PCDH9: variants seen among roughly 807,000 people sequenced by gnomAD.
PCDH9 encodes the protein protocadherin-9.
Under a neutral mutation model 70.6 loss-of-function variants are expected in PCDH9, and 24 were observed. The observed-to-expected ratio is 0.34, with a 90% CI of 0.25 to 0.48. PCDH9 has a LOEUF of 0.48. Ranked by LOEUF, PCDH9 falls within the 20% of genes least tolerant of loss-of-function variation. The pLI, the probability that PCDH9 is intolerant of heterozygous loss-of-function variation, is 0.99. For missense variants in PCDH9, 1,281 were observed against 1,503.6 expected, an observed-to-expected ratio of 0.85 and a Z score of 2.45; for synonymous variants, 562 against 558.5, an observed-to-expected ratio of 1.01 and a Z score of -0.09.
At chr13:66,920,010 T>C (rs919023228) in intron 2 of PCDH9, among the ~76,000 whole-genome samples, 1 of 150,902 alleles carries the variant, frequency 6.6e-6, no homozygotes. Context: ...CAATAACAAG[T>C]TTACCCCTAC....
At chr13:66,659,634 C>T (rs1475555814) in intron 3 of PCDH9, among the ~76,000 whole-genome samples, 1 of 151,230 alleles carries the variant, frequency 6.6e-6, no homozygotes, top group Admixed American at 6.6e-5. Flanking sequence ...AGTTTTACAT[C>T]ACGTGAATCC....
At chr13:66,777,505 A>G (rs1002377415) in intron 3 of PCDH9, among the ~76,000 whole-genome samples, 4 of 152,352 alleles carry the variant, frequency 2.6e-5, no homozygotes, top group Middle Eastern at 3.4e-3. Flanking sequence ...GAAGACATTT[A>G]TGCGGCCAAA....
chr13:66,779,267 A>G (rs944510904), intron 3 of PCDH9, among the ~76,000 whole-genome samples: 12 of 152,136 alleles, frequency 7.9e-5, no homozygotes, highest in Admixed American at 3.3e-4. Flanking sequence ...ACCACCTCAT[A>G]AAAATATTTG....
intron 4 of PCDH9, among the ~76,000 whole-genome samples, chr13:66,328,618 T>C (rs947297879): frequency 1.3e-5 from 2 of 152,148 alleles, no homozygotes; most frequent in Non-Finnish European, 1.5e-5. Flanking sequence ...TTAAGGGCAG[T>C]GGAGTGGTTT....
intron 2 of PCDH9, chr13:67,211,658 T>C (rs1046566922): frequency 1.3e-5 from 2 of 152,052 alleles, no homozygotes; most frequent in African/African-American, 4.8e-5. Context: ...ATATGTATGT[T>C]TCTCAATTTA....
chr13:66,566,455 A>G (rs954892609), intron 4 of PCDH9, among the ~76,000 whole-genome samples: 19 of 152,176 alleles, frequency 1.2e-4, no homozygotes, highest in Non-Finnish European at 2.6e-4. Context: ...CTATATATAT[A>G]TGTGCCTTGC....
chr13:66,477,624 C>T (rs528139128), intron 4 of PCDH9, among the ~76,000 whole-genome samples: 1 of 152,168 alleles, frequency 6.6e-6, no homozygotes, highest in Admixed American at 6.5e-5. Context: ...ATACCTAACT[C>T]TGAGAGTGTT....
chr13:66,777,168 A>G (rs1253644013), intron 3 of PCDH9, among the ~76,000 whole-genome samples: 2 of 152,090 alleles, frequency 1.3e-5, no homozygotes, highest in East Asian at 3.9e-4. Flanking sequence ...ACCTAAAACC[A>G]TAAAAACCCT....
At chr13:67,063,217 G>T (rs1461703373) in intron 2 of PCDH9, among the ~76,000 whole-genome samples, 1 of 152,080 alleles carries the variant, frequency 6.6e-6, no homozygotes, top group Non-Finnish European at 1.5e-5. Context: ...TAGTGAGGTA[G>T]AGAGTTCTGG....
chr13:66,985,377 T>C (rs1419384702), intron 2 of PCDH9: 1 of 152,158 alleles, frequency 6.6e-6, no homozygotes, highest in Non-Finnish European at 1.5e-5. Flanking sequence ...TAAGCAGTTA[T>C]GATTATGTTA....
intron 2 of PCDH9, among the ~76,000 whole-genome samples, chr13:66,986,154 G>A (rs1169726566): frequency 1.3e-5 from 2 of 151,892 alleles, no homozygotes; most frequent in Admixed American, 1.3e-4. Context: ...CATGGCAGCA[G>A]GAAGGAAAAG....
At chr13:66,559,198 A>G (rs906726878) in intron 4 of PCDH9, among the ~76,000 whole-genome samples, 3 of 152,206 alleles carry the variant, frequency 2.0e-5, no homozygotes, top group Non-Finnish European at 4.4e-5. Context: ...ATATCCCATC[A>G]AAACTACTCA....
chr13:66,985,577 T>C (rs1001603915), intron 2 of PCDH9: 1 of 152,054 alleles, frequency 6.6e-6, no homozygotes, highest in Non-Finnish European at 1.5e-5. Context: ...TTATGGGCTA[T>C]AATTGTATTT....
At chr13:67,028,098 T>C (rs550383165) in intron 2 of PCDH9, among the ~76,000 whole-genome samples, 16 of 151,034 alleles carry the variant, frequency 1.1e-4, no homozygotes, top group African/African-American at 3.9e-4. Context: ...TAAATCATGC[T>C]GCTATAAAGA....
At chr13:66,575,466 T>C (rs1173434168) in intron 4 of PCDH9, among the ~76,000 whole-genome samples, 3 of 152,144 alleles carry the variant, frequency 2.0e-5, no homozygotes, top group Non-Finnish European at 4.4e-5. Context: ...GGTTCTTAAC[T>C]GGTTTTGGAA....
chr13:66,833,738 A>G (rs1380970259), intron 3 of PCDH9, among the ~76,000 whole-genome samples: 11 of 152,214 alleles, frequency 7.2e-5, no homozygotes, highest in Non-Finnish European at 1.6e-4. Flanking sequence ...AAAAAAATCA[A>G]ATGTTTGCAG....
chr13:66,404,901 A>G (rs1957253482), intron 4 of PCDH9, among the ~76,000 whole-genome samples: 1 of 152,148 alleles, frequency 6.6e-6, no homozygotes, highest in South Asian at 2.1e-4. Context: ...TGCTTATAAC[A>G]TACTGTAAAA....
At chr13:66,938,218 G>T (rs918341213) in intron 2 of PCDH9, among the ~76,000 whole-genome samples, 3 of 152,068 alleles carry the variant, frequency 2.0e-5, no homozygotes, top group African/African-American at 7.2e-5. Flanking sequence ...GTTATCATTA[G>T]GAAAAAGTAA....
intron 2 of PCDH9, among the ~76,000 whole-genome samples, chr13:67,114,981 C>T (rs943595018): frequency 1.3e-5 from 2 of 152,112 alleles, no homozygotes; most frequent in Non-Finnish European, 2.9e-5. Flanking sequence ...AGCTCCTATT[C>T]ATTGTTATCT....
Sources: allele counts gnomAD v4.1 joint callset (sites outside exome capture counted in the v4.1 genomes callset), GRCh38; gene constraint gnomAD v4.1.1; transcripts MANE v1.5; gene names NCBI Gene and HGNC (gene_info 2026-07-23, HGNC 2026-07-21).